ANK3: variants seen among roughly 807,000 people sequenced by gnomAD.
ANK3 encodes the protein ankyrin 3, also known as ankyrin-3.
Under a neutral mutation model 370.9 loss-of-function variants are expected in ANK3, and 57 were observed. That is an observed-to-expected ratio of 0.15 (90% CI 0.12 to 0.19). ANK3 has a LOEUF of 0.19. Ranked by LOEUF, ANK3 falls within the 10% of genes least tolerant of loss-of-function variation. The pLI is 1.00. For missense variants in ANK3, 4,439 were observed against 5,302.1 expected (o/e 0.84, Z 5.06); for synonymous variants, 1,929 against 1,946.3 (o/e 0.99, Z 0.23).
chr10:60,084,643 G>T lies in ANK3; in HGVS notation c.4033C>A (p.Gln1345Lys). Residue 1345 changes from glutamine to lysine, a missense_variant, in exon 32 of 44, where the codon CAA (glutamine) becomes AAA (lysine). By Grantham distance (53) the Gln-to-Lys change is moderately conservative. Coordinates refer to ENST00000280772, the MANE Select transcript of ANK3 (RefSeq NM_020987.5). Reference sequence around the variant, plus strand: ...CTTGCGACTTCCTCAAAATTCTCTTGTTGCTCTAAAGTTTTGTCCACTTTG... The same window carrying T: ...CTTGCGACTTCCTCAAAATTCTCTTTTTGCTCTAAAGTTTTGTCCACTTTG... The part of the protein sequence containing the change: ...DDKVDKTLEQ[Q>K]ENFEEVARSK... The T allele has an allele frequency of 1.9e-6, 3 of 1,613,846 alleles. No homozygotes were observed. Among genetic ancestry groups the T allele is most frequent in the Non-Finnish European group, 2.5e-6 (3 of 1,179,910 alleles).
intron 2 of ANK3, among the ~76,000 whole-genome samples, chr10:60,444,431 T>C: frequency 6.7e-6 from 1 of 148,348 alleles, no homozygotes; most frequent in Non-Finnish European, 1.5e-5. Context: ...ATAACATACG[T>C]GTGTGTGTGT....
intron 2 of ANK3, among the ~76,000 whole-genome samples, chr10:60,452,293 T>C (rs969528271): frequency 4.6e-5 from 7 of 152,232 alleles, no homozygotes; most frequent in Non-Finnish European, 1.0e-4. Flanking sequence ...TTGATTTCAG[T>C]GTAACCACCA....
intron 1 of ANK3, among the ~76,000 whole-genome samples, chr10:60,330,119 T>G (rs989593508): frequency 6.6e-6 from 1 of 152,124 alleles, no homozygotes; most frequent in Non-Finnish European, 1.5e-5. Flanking sequence ...TGCTTACACC[T>G]TATACAAAAA....
intron 1 of ANK3, among the ~76,000 whole-genome samples, chr10:60,286,818 T>C (rs1353027942): frequency 6.6e-6 from 1 of 152,226 alleles, no homozygotes; most frequent in Non-Finnish European, 1.5e-5. Context: ...GTTCTGCCAG[T>C]TGCCTAGAGG....
At chr10:60,348,366 A>AC (rs1329777186) in intron 1 of ANK3, among the ~76,000 whole-genome samples, 21,869 of 97,540 alleles carry the variant, frequency 0.22, 2,401 homozygotes, top group Middle Eastern at 0.35. Context: ...AAAAAAAAAA[A>AC]AAAACACAAA....
chr10:60,435,826 G>A lies in ANK3; in HGVS notation c.97-156187C>T, dbSNP rs7067980. ...GTTTTTAAAGTCTCATCGGCCGGGC[G>A]CGGTGGCTCACGCCTGTAATCCCAG... On this transcript the variant is annotated intron_variant, in intron 2 of 43. Transcript: ENST00000373827. Among the ~76,000 whole-genome samples, 257 of 152,322 alleles carry A rather than the reference G, an allele frequency of 1.7e-3. 2 individuals carry two copies. The highest frequency in any genetic ancestry group is 5.9e-3 in the African/African-American group (246 of 41,578).
chr10:60,490,609 C>G (rs1042817733), intron 2 of ANK3, among the ~76,000 whole-genome samples: 1 of 152,212 alleles, frequency 6.6e-6, no homozygotes, highest in African/African-American at 2.4e-5. Context: ...CTCCCATCCT[C>G]TCTCCTGCTC....
intron 1 of ANK3, among the ~76,000 whole-genome samples, chr10:60,293,300 G>A (rs745569577): frequency 6.6e-6 from 1 of 151,940 alleles, no homozygotes; most frequent in Middle Eastern, 3.4e-3. Flanking sequence ...ACATACCCTC[G>A]GCTCACCTTA....
intron 2 of ANK3, among the ~76,000 whole-genome samples, chr10:60,551,720 G>T (rs2077092211): frequency 6.6e-6 from 1 of 152,002 alleles, no homozygotes. Context: ...GAAAAATTAG[G>T]CTCATTTATA....
chr10:60,288,132 A>G (rs2132738781), intron 1 of ANK3, among the ~76,000 whole-genome samples: 1 of 152,268 alleles, frequency 6.6e-6, no homozygotes, highest in Non-Finnish European at 1.5e-5. Context: ...TTCACCCAGG[A>G]CATTAGTAAT....
intron 21 of ANK3, among the ~76,000 whole-genome samples, chr10:60,169,364 G>GTTTGTTTTTTTT (rs397844967): frequency 3.9e-5 from 2 of 51,892 alleles, no homozygotes; most frequent in African/African-American, 1.5e-4. Flanking sequence ...TTGTCTCATA[G>GTTTGTTTTTTTT]TTTTTTTTTT....
At chr10:60,652,225 G>A (rs916036256) in intron 1 of ANK3, among the ~76,000 whole-genome samples, 4 of 151,776 alleles carry the variant, frequency 2.6e-5, no homozygotes, top group African/African-American at 7.3e-5. Context: ...GCAAGACCTC[G>A]TCTCTACTAA....
intron 2 of ANK3, among the ~76,000 whole-genome samples, chr10:60,537,354 T>C (rs1254891702): frequency 2.6e-5 from 4 of 152,032 alleles, no homozygotes; most frequent in Admixed American, 6.6e-5. Flanking sequence ...AGATTTTTCA[T>C]GTATTTCTTG....
intron 8 of ANK3, among the ~76,000 whole-genome samples, chr10:60,215,635 C>T (rs564832321): frequency 6.6e-6 from 1 of 152,152 alleles, no homozygotes; most frequent in East Asian, 1.9e-4. Context: ...CCATTGCTTG[C>T]TTTTGTCAGG....
intron 1 of ANK3, among the ~76,000 whole-genome samples, chr10:60,328,800 T>C (rs2050508061): frequency 6.6e-6 from 1 of 152,322 alleles, no homozygotes; most frequent in South Asian, 2.1e-4. Context: ...ACCATCCTGA[T>C]ACCAAAACCT....
At chr10:60,225,547 C>A (rs1722603204) in intron 8 of ANK3, among the ~76,000 whole-genome samples, 1 of 152,028 alleles carries the variant, frequency 6.6e-6, no homozygotes. Flanking sequence ...TTCTACTATG[C>A]CAAGCAACCT....
intron 10 of ANK3, 58 bp downstream of exon 10, chr10:60,207,978 G>A: frequency 1.4e-6 from 2 of 1,443,710 alleles, no homozygotes; most frequent in Non-Finnish European, 1.9e-6. Context: ...TTCACATACA[G>A]AGGCAGCACG....
rs377765266 is a variant in ANK3 at position 60,691,484 on chromosome 10, ACCAGGCACACAGAGAAGAT to A, written c.57+41760_57+41778del. On this transcript the variant is annotated intron_variant, in intron 1 of 43. Transcript: ENST00000373827. ...ACCAACGTAAAGCATTTAGAATCGT[ACCAGGCACACAGAGAAGAT>A]CCACTAAACGTTTGCCACTTTTCAC... is the stretch of plus-strand genomic sequence containing the variant. Among the ~76,000 whole-genome samples the A allele has an allele frequency of 5.3e-5, 8 of 152,326 alleles. No individual in the cohort carries two copies. The East Asian group carries it at 1.5e-3, about 29-fold the overall frequency.
chr10:60,497,713 T>C (rs2075695339), intron 2 of ANK3, among the ~76,000 whole-genome samples: 1 of 152,190 alleles, frequency 6.6e-6, no homozygotes, highest in South Asian at 2.1e-4. Flanking sequence ...ACTGTAGCCA[T>C]CTATTTTAAA....
Sources: allele counts gnomAD v4.1 joint callset (sites outside exome capture counted in the v4.1 genomes callset), GRCh38; gene constraint gnomAD v4.1.1; transcripts MANE v1.5; gene names NCBI Gene and HGNC (gene_info 2026-07-23, HGNC 2026-07-21).